The following GDF6 variants were observed in gnomAD, a reference collection of about 807,000 sequenced individuals.
GDF6 encodes growth/differentiation factor 6.
In GDF6, 3 loss-of-function variants were observed where a neutral mutation model predicts 32.4. The ratio of observed to expected loss-of-function variants is 0.09; its 90% CI spans 0.04 to 0.24. The LOEUF (loss-of-function observed/expected upper bound fraction) is 0.24. GDF6 is among the 10% of genes least tolerant of loss of function. The probability of loss-of-function intolerance (pLI) is 1.00; values close to 1 mark genes in which losing one functional copy is unlikely to be tolerated. For synonymous variants in GDF6, 296 were observed against 295.3 expected, an observed-to-expected ratio of 1.00 and a Z score of -0.03; for missense variants, 589 against 637.9, an observed-to-expected ratio of 0.92 and a Z score of 0.83.
In GDF6 at chr8:96,144,906, T is replaced by C. The variant is rs369743492; in HGVS notation, c.1025A>G (p.His342Arg). The C allele has an allele frequency of 3.1e-6, 5 of 1,611,194 alleles. No individual in the cohort carries two copies. In the African/African-American group the frequency reaches 4.0e-5, roughly 13 times the overall value. The change falls in exon 2 of 2, where the codon CAT becomes CGT. Residue 342 changes from histidine (H) to arginine (R), a missense_variant. By Grantham distance (29) the His-to-Arg change is conservative (BLOSUM62 0). Around this residue, in one of 2 missense-constraint regions of GDF6, gnomAD observed 153 missense variants for 226.7 expected, o/e 0.67. Transcript: ENST00000287020. The surrounding 1 kb of genome is among the most constrained non-coding windows in gnomAD (Gnocchi z 5.1). ...RRRRTAFASR[H>R]GKRHGKKSRL... ...GGACTTCTTGCCGTGCCGCTTGCCA[T>C]GGCGACTGGCGAAGGCCGTGCGCCG...
chr8:96,154,626 G>C (rs982175177), intron 1 of GDF6, among the ~76,000 whole-genome samples: 1 of 152,094 alleles, frequency 6.6e-6, no homozygotes, highest in Non-Finnish European at 1.5e-5. Context: ...AAAGAGTGTC[G>C]TTTGACCCGG....
intron 1 of GDF6, among the ~76,000 whole-genome samples, chr8:96,146,521 G>A (rs1196253724): frequency 6.6e-6 from 1 of 151,988 alleles, no homozygotes; most frequent in Non-Finnish European, 1.5e-5. Flanking sequence ...AAACAAAAGA[G>A]CAATGAAGTT....
chr8:96,144,985 G>T lies in GDF6; in HGVS notation c.946C>A (p.Pro316Thr), dbSNP rs556335226. The change falls in exon 2 of 2, where the codon CCG (proline) becomes ACG (threonine). Residue 316 changes from proline (P) to threonine (T), a missense_variant. By Grantham distance (38) the Pro-to-Thr change is conservative (BLOSUM62 -1). Around this residue, in one of 2 missense-constraint regions of GDF6, gnomAD observed 153 missense variants for 226.7 expected, o/e 0.67. Transcript: ENST00000287020. The surrounding 1 kb of genome is among the most constrained non-coding windows in gnomAD (Gnocchi z 5.1). ...GGCCTGGCATCCGGGGCGCCCGACGGCGGCGGCCACGACCCCTCGGCGCCC... is the reference window on the plus strand; with the variant it reads ...GGCCTGGCATCCGGGGCGCCCGACGTCGGCGGCCACGACCCCTCGGCGCCC... ...GAGAEGSWPPPSGAPDARPWL... is the reference protein window; with the variant it reads ...GAGAEGSWPPTSGAPDARPWL... 7 of 1,356,136 alleles carry T rather than the reference G, an allele frequency of 5.2e-6. No individual in the cohort carries two copies. The East Asian group carries it at 1.9e-4, about 36-fold the overall frequency. The allele number at this position is 1,356,136 out of a possible 1,614,324, so 84.0% of individuals were successfully genotyped here.
At position 96,144,794 on chromosome 8, in the gene GDF6, C is replaced by T. The variant is rs781747507; in HGVS notation, c.1137G>A (p.Glu379=). The change falls in exon 2 of 2, where the codon GAG becomes GAA. Residue 379 remains glutamate (E), a synonymous_variant. Transcript: ENST00000287020. This position sits in a 1 kb window ranked among gnomAD's most constrained non-coding sequence, Gnocchi z 5.1. ...CGCATACACCCTCGCAGTGATAGGC[C>T]TCGTACTCCAGGGGCGCGATAATCC... ...DDWIIAPLEY[E]AYHCEGVCDF... The T allele has an allele frequency of 7.4e-6, 12 of 1,613,984 alleles. No homozygotes were observed. The highest frequency in any genetic ancestry group is 9.3e-6 in the Non-Finnish European group (11 of 1,180,018).
rs966679733 is a variant in GDF6 at position 96,160,292 on chromosome 8, C to T, written c.401G>A (p.Gly134Glu). The T allele has an allele frequency of 5.0e-6, 8 of 1,614,120 alleles. No individual in the cohort carries two copies. Among genetic ancestry groups the T allele is most frequent in the Non-Finnish European group, 4.2e-6 (5 of 1,180,062 alleles). Reference protein sequence around the residue: ...ANTITSFVDRGLDDLSHTPLR... With the variant: ...ANTITSFVDRELDDLSHTPLR... Reference sequence around the variant, plus strand: ...GCGTTTTCTTTGCCACTTACCTAGTCCCCTGTCTACAAAGCTGGTGATCGT... The same window carrying T: ...GCGTTTTCTTTGCCACTTACCTAGTTCCCTGTCTACAAAGCTGGTGATCGT... Residue 134 changes from glycine (G) to glutamate (E), a missense_variant, in exon 1 of 2, where the codon GGA becomes GAA. Coordinates refer to ENST00000287020, the MANE Select transcript of GDF6 (RefSeq NM_001001557.4).
Position 96,145,851 on chromosome 8 carries a change from C to G in GDF6, c.407-327G>C, listed in dbSNP as rs1016421372. ...TAACCACTAATGTGCCCTTTGTGGTCTCAAGCCTGGGCCGCGTTTCCCCTA... is the reference window on the plus strand; with the variant it reads ...TAACCACTAATGTGCCCTTTGTGGTGTCAAGCCTGGGCCGCGTTTCCCCTA... On this transcript the variant is annotated intron_variant, in intron 1 of 1. Transcript: ENST00000287020. The surrounding 1 kb of genome is among the most constrained non-coding windows in gnomAD (Gnocchi z 5.6). Among the ~76,000 whole-genome samples the G allele has an allele frequency of 2.6e-5, 4 of 152,160 alleles. No individual in the cohort carries two copies. Among genetic ancestry groups the G allele is most frequent in the Non-Finnish European group, 1.5e-5 (1 of 68,020 alleles).
At chr8:96,154,277 G>GGCCACTAGCGCCGC (rs1454203006) in intron 1 of GDF6, among the ~76,000 whole-genome samples, 11 of 151,786 alleles carry the variant, frequency 7.2e-5, no homozygotes, top group African/African-American at 2.7e-4. Context: ...GCGCCGCCGC[G>GGCCACTAGCGCCGC]CGCGCTTCCC....
At chr8:96,157,952 C>G (rs1210590160) in intron 1 of GDF6, among the ~76,000 whole-genome samples, 1 of 152,178 alleles carries the variant, frequency 6.6e-6, no homozygotes, top group Non-Finnish European at 1.5e-5. Context: ...GCAACGCACC[C>G]CCTCCTCTGC....
At position 96,145,206 on chromosome 8, in the gene GDF6, G is replaced by C. The variant is rs886043381; in HGVS notation, c.725C>G (p.Ala242Gly). The C allele has an allele frequency of 9.3e-6, 14 of 1,502,050 alleles. No individual in the cohort carries two copies. In the Admixed American group the frequency reaches 2.7e-4, roughly 29 times the overall value. The allele number at this position is 1,502,050 out of a possible 1,614,324, so 93.0% of individuals were successfully genotyped here. A position where few individuals can be genotyped will look rare whatever the true frequency, so the allele number is the denominator to read the frequency against. The change falls in exon 2 of 2, where the codon GCC becomes GGC. Residue 242 changes from alanine to glycine, a missense_variant. Physicochemically the swap from Ala to Gly is moderately conservative, Grantham distance 60 (BLOSUM62 0). Coordinates refer to ENST00000287020, the MANE Select transcript of GDF6 (RefSeq NM_001001557.4). This position sits in a 1 kb window ranked among gnomAD's most constrained non-coding sequence, Gnocchi z 5.6. The part of the protein sequence containing the change: ...ELRAAWGELD[A>G]GEAEARARGP... ...CCGCGCGCGCGCCTCGGCCTCCCCG[G>C]CGTCCAGCTCGCCCCATGCGGCCCG...
intron 1 of GDF6, 66 bp downstream of exon 1, chr8:96,160,195 AGGGAATTCACAAATGTAGCCTCCAGC>A (rs1812736294): frequency 3.4e-5 from 41 of 1,223,530 alleles, no homozygotes; most frequent in Non-Finnish European, 4.9e-5. Context: ...CAGAGCAGGA[AGGGAATTCACAAATGTAGCCTCCAGC>A]GGGAACAGCT....
intron 1 of GDF6, among the ~76,000 whole-genome samples, chr8:96,154,338 A>T (rs1812623358): frequency 6.6e-6 from 1 of 152,124 alleles, no homozygotes; most frequent in Non-Finnish European, 1.5e-5. Context: ...AAGCTCTTGC[A>T]GCCCCTCACC....
intron 1 of GDF6, among the ~76,000 whole-genome samples, chr8:96,154,023 G>A (rs1812616306): frequency 6.6e-6 from 1 of 152,122 alleles, no homozygotes; most frequent in Non-Finnish European, 1.5e-5. Flanking sequence ...GGAGTGGGAG[G>A]CTGGACCAAT....
In GDF6 at chr8:96,148,278, G is replaced by C. The variant is rs1431135781; in HGVS notation, c.407-2754C>G. Among the ~76,000 whole-genome samples the C allele has an allele frequency of 3.9e-5, 6 of 152,226 alleles. No homozygotes were observed. The East Asian group carries it at 7.7e-4, about 20-fold the overall frequency. On this transcript the variant is annotated intron_variant, in intron 1 of 1. Coordinates refer to ENST00000287020, the MANE Select transcript of GDF6 (RefSeq NM_001001557.4). The stretch of plus-strand genomic sequence containing the variant: ...TGGCCATCCCAGCTGACAGCTTAAA[G>C]CTGTGCACAGTTTCACAGGTGCACA...
Position 96,145,666 on chromosome 8 carries a change from C to T in GDF6, c.407-142G>A. 1.1e-6 allele frequency: 1 copy of T among 946,640 alleles called. No individual in the cohort carries two copies. The highest frequency in any genetic ancestry group is 1.6e-6 in the Non-Finnish European group (1 of 626,310). 58.6% of individuals were successfully genotyped at this position (946,640 alleles called of 1,614,324 possible). Reference sequence around the variant, plus strand: ...CAGCTTGCCCGGCCCAGGGCCTGACCACCCCGGCTCCCCATCTGGCTGGTG... The same window carrying T: ...CAGCTTGCCCGGCCCAGGGCCTGACTACCCCGGCTCCCCATCTGGCTGGTG... On this transcript the variant is annotated intron_variant, in intron 1 of 1. Coordinates refer to ENST00000287020, the MANE Select transcript of GDF6 (RefSeq NM_001001557.4). The surrounding 1 kb of genome is among the most constrained non-coding windows in gnomAD (Gnocchi z 5.6).
At chr8:96,155,567 C>T (rs971802363) in intron 1 of GDF6, among the ~76,000 whole-genome samples, 2 of 152,212 alleles carry the variant, frequency 1.3e-5, no homozygotes, top group Middle Eastern at 3.2e-3. Flanking sequence ...GCACAAACCC[C>T]GTGCCCGCGC....
chr8:96,156,900 C>T (rs868291825), intron 1 of GDF6, among the ~76,000 whole-genome samples: 1 of 152,182 alleles, frequency 6.6e-6, no homozygotes, highest in Non-Finnish European at 1.5e-5. Flanking sequence ...AACCACCTCA[C>T]CACTTAAACT....
intron 1 of GDF6, among the ~76,000 whole-genome samples, chr8:96,155,450 A>G (rs1812645637): frequency 6.6e-6 from 1 of 152,226 alleles, no homozygotes; most frequent in Admixed American, 6.5e-5. Context: ...TTCGAACCAG[A>G]AGAGCAAAAC....
At chr8:96,156,722 C>A (rs895924627) in intron 1 of GDF6, among the ~76,000 whole-genome samples, 6 of 152,304 alleles carry the variant, frequency 3.9e-5, no homozygotes, top group African/African-American at 1.2e-4. Flanking sequence ...ATGGTTTGTG[C>A]ATCTGCTAAA....
In GDF6 at chr8:96,143,854, G is replaced by C. The variant is rs549993103; in HGVS notation, c.*709C>G. 1 of 152,808 alleles carries C rather than the reference G, an allele frequency of 6.5e-6. No individual in the cohort carries two copies. Among genetic ancestry groups the C allele is most frequent in the East Asian group, 1.9e-4 (1 of 5,190 alleles). 9.5% of individuals were successfully genotyped at this position (152,808 alleles called of 1,614,324 possible). On this transcript the variant is annotated 3_prime_UTR_variant, in exon 2 of 2. Transcript: ENST00000287020. ...ATGAAGGTTGCCAGTTCCTGGTACC[G>C]AAAGAGGCCAGGGCAGAGCTGGTAA... is the stretch of plus-strand genomic sequence containing the variant.
Sources: gnomAD v4.1 joint callset for allele counts (sites outside exome capture counted in the v4.1 genomes callset) on GRCh38, gnomAD v4.1.1 for gene constraint, gnomAD v4.1.1 regional missense constraint, Gnocchi (gnomAD v3.1) non-coding constraint, MANE v1.5 for transcripts, NCBI Gene and HGNC (gene_info 2026-07-23, HGNC 2026-07-21) for gene names.